The following AJAP1 variants were observed in gnomAD, a reference collection of about 807,000 sequenced individuals.
The protein encoded by AJAP1 is adherens junctions associated protein 1.
A neutral mutation model predicts 35.0 loss-of-function variants in AJAP1; 5 were observed. The observed-to-expected ratio is 0.14, with a 90% CI of 0.07 to 0.30. AJAP1 has a LOEUF of 0.30. AJAP1 is among the 10% of genes least tolerant of loss of function. The pLI, the probability that AJAP1 is intolerant of heterozygous loss-of-function variation, is 1.00. For synonymous variants in AJAP1, 284 were observed against 249.3 expected (o/e 1.14, Z -1.31); for missense variants, 586 against 571.0 (o/e 1.03, Z -0.27).
At position 4,787,603 on chromosome 1, in the gene AJAP1, G is replaced by T. The variant is rs1395357788; in HGVS notation, c.*5118G>T. The T allele has an allele frequency of 4.6e-6, 2 of 435,870 alleles. No individual in the cohort carries two copies. The highest frequency in any genetic ancestry group is 3.2e-5 in the South Asian group (2 of 61,770). 27.0% of individuals were successfully genotyped at this position (435,870 alleles called of 1,614,324 possible). A position where few individuals can be genotyped will look rare whatever the true frequency, so the allele number is the denominator to read the frequency against. ...TTCCAGCAAGAGTGGAAGCAGAGGG[G>T]CAGGGGCAGGGGCAGGATGAGGGCT... On this transcript the variant is annotated 3_prime_UTR_variant, in exon 6 of 6. Coordinates refer to ENST00000378191, the MANE Select transcript of AJAP1 (RefSeq NM_018836.4).
intron 5 of AJAP1, among the ~76,000 whole-genome samples, chr1:4,778,971 A>G (rs2100372751): frequency 6.6e-6 from 1 of 152,328 alleles, no homozygotes; most frequent in South Asian, 2.1e-4. Context: ...AATGGGCAGG[A>G]GACCCCCGTT....
intron 1 of AJAP1, among the ~76,000 whole-genome samples, chr1:4,659,701 T>C (rs1638960352): frequency 1.3e-5 from 2 of 152,102 alleles, no homozygotes; most frequent in Admixed American, 6.5e-5. Context: ...ACTTACTATA[T>C]GATGATTTCA....
intron 1 of AJAP1, among the ~76,000 whole-genome samples, chr1:4,709,097 C>T (rs576329008): frequency 1.3e-5 from 2 of 152,314 alleles, no homozygotes; most frequent in East Asian, 3.9e-4. Context: ...TGAAGTTATG[C>T]CAGCGAGGCA....
At position 4,731,860 on chromosome 1, in the gene AJAP1, G is replaced by A. The variant is rs372450299; in HGVS notation, c.829+19161G>A. Among the ~76,000 whole-genome samples the A allele has an allele frequency of 5.3e-5, 8 of 152,226 alleles. No homozygotes were observed. The South Asian group carries it at 1.4e-3, about 28-fold the overall frequency. ...CCGCCCCTGTCCTTCAGCTCAGGTGGGTCCTGGGAGGCTGGGAGCCCTCCT... is the reference window on the plus strand; with the variant it reads ...CCGCCCCTGTCCTTCAGCTCAGGTGAGTCCTGGGAGGCTGGGAGCCCTCCT... On this transcript the variant is annotated intron_variant, in intron 2 of 5. Transcript: ENST00000378191.
At chr1:4,766,639 A>G (rs1478406590) in intron 2 of AJAP1, among the ~76,000 whole-genome samples, 1 of 151,932 alleles carries the variant, frequency 6.6e-6, no homozygotes, top group African/African-American at 2.4e-5. Flanking sequence ...TGAAACCCAC[A>G]CTCCAGGTTT....
intron 1 of AJAP1, among the ~76,000 whole-genome samples, chr1:4,703,643 C>A (rs991321132): frequency 6.6e-6 from 1 of 152,122 alleles, no homozygotes; most frequent in Admixed American, 6.5e-5. Flanking sequence ...TATCAGCGAG[C>A]GGGAGGTTAG....
At chr1:4,664,271 G>T (rs1639066893) in intron 1 of AJAP1, among the ~76,000 whole-genome samples, 1 of 152,188 alleles carries the variant, frequency 6.6e-6, no homozygotes, top group Non-Finnish European at 1.5e-5. Flanking sequence ...TGTATTTAAG[G>T]AATACAGCAT....
rs879063007 is a variant in AJAP1 at position 4,772,940 on chromosome 1, C to T, written c.1163+415C>T. Among the ~76,000 whole-genome samples the T allele has an allele frequency of 5.9e-5, 9 of 152,246 alleles. No homozygotes were observed. In the South Asian group the frequency reaches 6.2e-4, roughly 11 times the overall value. The stretch of plus-strand genomic sequence containing the variant: ...CTGAGCCCTGTCAATAAAATGTCAG[C>T]GGCAAATTTAGCAAAAATATCAGAT... On this transcript the variant is annotated intron_variant, in intron 4 of 5. Transcript: ENST00000378191.
At position 4,734,246 on chromosome 1, in the gene AJAP1, G is replaced by C. The variant is rs1203693757; in HGVS notation, c.829+21547G>C. Among the ~76,000 whole-genome samples, 1 of 152,170 alleles carries C rather than the reference G, an allele frequency of 6.6e-6. No homozygotes were observed. The highest frequency in any genetic ancestry group is 1.5e-5 in the Non-Finnish European group (1 of 68,030). On this transcript the variant is annotated intron_variant, in intron 2 of 5. Transcript: ENST00000378191. The surrounding 1 kb of genome is among the most constrained non-coding windows in gnomAD (Gnocchi z 4.3). The stretch of plus-strand genomic sequence containing the variant: ...AGTGCCTCAGCTGAGCCCCGGAATA[G>C]GAAGGGCCTGCCCTACTGAGCCTCC...
At chr1:4,756,499 C>A (rs1402465504) in intron 2 of AJAP1, among the ~76,000 whole-genome samples, 1 of 152,184 alleles carries the variant, frequency 6.6e-6, no homozygotes, top group Non-Finnish European at 1.5e-5. Context: ...TAAGCTCTTT[C>A]TCTCCAACTC....
intron 2 of AJAP1, among the ~76,000 whole-genome samples, chr1:4,755,797 A>G (rs1015081825): frequency 6.6e-6 from 1 of 151,492 alleles, no homozygotes. Context: ...GGGAATTTGC[A>G]GCCAAGGGGT....
intron 2 of AJAP1, among the ~76,000 whole-genome samples, chr1:4,746,207 C>G (rs1196811688): frequency 6.6e-6 from 1 of 152,180 alleles, no homozygotes; most frequent in African/African-American, 2.4e-5. Context: ...TCTCCCCAGT[C>G]TCTGCCTCCA....
At chr1:4,740,858 T>G (rs1048263560) in intron 2 of AJAP1, among the ~76,000 whole-genome samples, 3 of 151,530 alleles carry the variant, frequency 2.0e-5, no homozygotes, top group Non-Finnish European at 4.4e-5. Flanking sequence ...TATCACAATT[T>G]AAAAATTTTA....
At chr1:4,663,125 A>C (rs1293553259) in intron 1 of AJAP1, among the ~76,000 whole-genome samples, 1 of 152,142 alleles carries the variant, frequency 6.6e-6, no homozygotes, top group Non-Finnish European at 1.5e-5. Context: ...GAAGGGCATC[A>C]TTTTGTTTTT....
rs1339597084 is a variant in AJAP1, at chr1:4,780,157, A to T, written c.*60-2388A>T. On this transcript the variant is annotated intron_variant, in intron 5 of 5. Transcript: ENST00000378191. Reference sequence around the variant, plus strand: ...AAAAAAAAAAAAAAAAAAAAAAAAAATTACCATGTAACCATTTATGCGTGT... The same window carrying T: ...AAAAAAAAAAAAAAAAAAAAAAAAATTTACCATGTAACCATTTATGCGTGT... Among the ~76,000 whole-genome samples the T allele has an allele frequency of 3.0e-5, 4 of 135,126 alleles. No individual in the cohort carries two copies. In the East Asian group the frequency reaches 8.2e-4, roughly 28 times the overall value. 88.6% of individuals were successfully genotyped at this position (135,126 alleles called of 152,430 possible).
intron 2 of AJAP1, among the ~76,000 whole-genome samples, chr1:4,718,490 CTT>C (rs572430674): frequency 2.3e-4 from 33 of 141,746 alleles, no homozygotes; most frequent in Admixed American, 2.9e-4. Context: ...TCTTTCTTTC[CTT>C]TTTTTTTTTT....
At chr1:4,688,170 G>A (rs779735368) in intron 1 of AJAP1, among the ~76,000 whole-genome samples, 11 of 152,168 alleles carry the variant, frequency 7.2e-5, no homozygotes, top group African/African-American at 1.9e-4. Flanking sequence ...GGGGTCCCTC[G>A]GAGCGCCCCG....
At chr1:4,677,174 G>A (rs963719859) in intron 1 of AJAP1, among the ~76,000 whole-genome samples, 2 of 152,252 alleles carry the variant, frequency 1.3e-5, no homozygotes, top group South Asian at 2.1e-4. Flanking sequence ...TAAAAGAAAA[G>A]CAATGAACCC....
chr1:4,673,736 T>C (rs1639296481), intron 1 of AJAP1, among the ~76,000 whole-genome samples: 1 of 151,994 alleles, frequency 6.6e-6, no homozygotes, highest in Non-Finnish European at 1.5e-5. Flanking sequence ...TGAGGGCGAG[T>C]CCTGGCTCTG....
Sources: gnomAD v4.1 joint callset for allele counts (sites outside exome capture counted in the v4.1 genomes callset) on GRCh38, gnomAD v4.1.1 for gene constraint, Gnocchi (gnomAD v3.1) non-coding constraint, MANE v1.5 for transcripts, NCBI Gene and HGNC (gene_info 2026-07-23, HGNC 2026-07-21) for gene names.